ELK1: variants seen among roughly 807,000 people sequenced by gnomAD.
The protein encoded by ELK1 is ETS domain-containing protein Elk-1.
For missense variants in ELK1, 254 were observed against 381.5 expected (o/e 0.67, Z 2.78); for synonymous variants, 163 against 176.3 (o/e 0.92, Z 0.60).
intron 2 of ELK1, among the ~76,000 whole-genome samples, chrX:47,643,874 G>A: frequency 8.9e-6 from 1 of 111,774 alleles, no homozygotes; most frequent in Non-Finnish European, 1.9e-5. Context: ...AGGCAGTCAG[G>A]TTCCAGTTGA....
intron 2 of ELK1, among the ~76,000 whole-genome samples, chrX:47,647,650 G>C (rs1377255423): frequency 1.8e-5 from 2 of 112,293 alleles, no homozygotes; most frequent in Admixed American, 9.4e-5. Flanking sequence ...CCCTACACTG[G>C]TGTCTCAAAT....
intron 2 of ELK1, among the ~76,000 whole-genome samples, chrX:47,641,766 A>T (rs1283647620): frequency 1.8e-5 from 2 of 111,911 alleles, no homozygotes; most frequent in Non-Finnish European, 3.8e-5. Context: ...AATGATGCCA[A>T]CCCTGCTCCG....
intron 2 of ELK1, chrX:47,649,297 T>C (rs1419774249): frequency 9.1e-6 from 1 of 110,492 alleles, no homozygotes; most frequent in Non-Finnish European, 1.9e-5. Context: ...TGACCCACTA[T>C]TAAGAGGTGG....
chrX:47,639,807 T>A (rs1469333603), intron 3 of ELK1, among the ~76,000 whole-genome samples: 1 of 113,023 alleles, frequency 8.8e-6, no homozygotes, highest in Non-Finnish European at 1.9e-5. Context: ...CCAGGCCTTG[T>A]GGGTGACTGT....
At chrX:47,644,660 G>A (rs2058038113) in intron 2 of ELK1, among the ~76,000 whole-genome samples, 1 of 110,973 alleles carries the variant, frequency 9.0e-6, no homozygotes. Context: ...CAGCAAGCCA[G>A]GTGGAAGCGG....
In ELK1 at chrX:47,636,207, G is replaced by T. The variant is rs1161499213; in HGVS notation, c.*622C>A. The T allele has an allele frequency of 1.8e-5, 2 of 112,221 alleles. No homozygotes were observed. Among genetic ancestry groups the T allele is most frequent in the East Asian group, 5.6e-4 (2 of 3,572 alleles). 9.2% of individuals were successfully genotyped at this position (112,221 alleles called of 1,213,427 possible). ...CCCTGGCCAAAAAGTTGGTTGAAAA[G>T]GATAAGCTGTCTGAGAGAAAGGTTG... On this transcript the variant is annotated 3_prime_UTR_variant, in exon 7 of 7. Coordinates refer to ENST00000376983, the MANE Select transcript of ELK1 (RefSeq NM_001114123.3).
intron 2 of ELK1, among the ~76,000 whole-genome samples, chrX:47,643,605 C>T (rs1216762207): frequency 9.0e-6 from 1 of 111,535 alleles, no homozygotes; most frequent in East Asian, 2.8e-4. Flanking sequence ...TATGTAACAT[C>T]GTATATGCAT....
chrX:47,650,535 G>A lies in ELK1; in HGVS notation c.-253C>T, dbSNP rs774763711. ...GGGTTCCGAGGCGGCGGTGGAGGTGGTGGTGGCGGTGGCGGCGGCAGCACC... is the reference window on the plus strand; with the variant it reads ...GGGTTCCGAGGCGGCGGTGGAGGTGATGGTGGCGGTGGCGGCGGCAGCACC... On this transcript the variant is annotated 5_prime_UTR_variant, in exon 1 of 7. Coordinates refer to ENST00000376983, the MANE Select transcript of ELK1 (RefSeq NM_001114123.3). 1 of 326,696 alleles carries A rather than the reference G, an allele frequency of 3.1e-6. No homozygotes were observed. The highest frequency in any genetic ancestry group is 5.8e-6 in the Non-Finnish European group (1 of 172,254). 26.9% of individuals were successfully genotyped at this position (326,696 alleles called of 1,213,427 possible). A position where few individuals can be genotyped will look rare whatever the true frequency, so the allele number is the denominator to read the frequency against.
intron 2 of ELK1, among the ~76,000 whole-genome samples, chrX:47,645,996 G>A (rs1422784607): frequency 1.8e-5 from 2 of 110,685 alleles, no homozygotes; most frequent in African/African-American, 6.6e-5. Context: ...TGTAAAATGG[G>A]GATATTTTAC....
intron 1 of ELK1, 51 bp downstream of exon 1, chrX:47,650,372 G>A (rs1433535360): frequency 7.1e-6 from 2 of 281,140 alleles, no homozygotes; most frequent in African/African-American, 5.9e-5. Flanking sequence ...GGGCGGGAAG[G>A]ATACGTGGGG....
chrX:47,641,199 G>C, intron 3 of ELK1, 33 bp downstream of exon 3: 4 of 1,191,948 alleles, frequency 3.4e-6, no homozygotes, highest in East Asian at 3.0e-5. Context: ...AAATGTCAGG[G>C]GGGGGTTCCA....
At chrX:47,640,032 T>C (rs976323637) in intron 3 of ELK1, among the ~76,000 whole-genome samples, 2 of 110,971 alleles carry the variant, frequency 1.8e-5, no homozygotes, top group African/African-American at 6.6e-5. Context: ...ACTGTGGAGG[T>C]TGAAGCTAAA....
At chrX:47,647,140 A>G (rs1282871389) in intron 2 of ELK1, among the ~76,000 whole-genome samples, 1 of 104,754 alleles carries the variant, frequency 9.5e-6, no homozygotes, top group African/African-American at 3.5e-5. Context: ...TTGTTCACAT[A>G]GTCTGTCTCC....
chrX:47,639,840 G>A (rs1233090851), intron 3 of ELK1, among the ~76,000 whole-genome samples: 1 of 112,908 alleles, frequency 8.9e-6, no homozygotes, highest in African/African-American at 3.2e-5. Flanking sequence ...TTGGAGACTA[G>A]CAAATGCAAT....
At chrX:47,644,743 C>T (rs933930216) in intron 2 of ELK1, among the ~76,000 whole-genome samples, 1 of 109,779 alleles carries the variant, frequency 9.1e-6, no homozygotes, top group Non-Finnish European at 1.9e-5. Flanking sequence ...GACATGGGTT[C>T]GGGGGAGAGG....
intron 2 of ELK1, among the ~76,000 whole-genome samples, chrX:47,648,045 G>A (rs115645311): frequency 1.3e-4 from 15 of 112,181 alleles, no homozygotes; most frequent in African/African-American, 4.5e-4. Context: ...ACACTACCCA[G>A]GTACAACAAA....
chrX:47,646,907 G>A (rs2058045267), intron 2 of ELK1, among the ~76,000 whole-genome samples: 1 of 111,444 alleles, frequency 9.0e-6, no homozygotes, highest in African/African-American at 3.3e-5. Flanking sequence ...GAACATGGCA[G>A]GCACCATCCC....
upstream of ELK1, chrX:47,650,576 C>T (rs775660827): frequency 6.7e-6 from 2 of 296,315 alleles, no homozygotes; most frequent in Admixed American, 4.6e-5. Flanking sequence ...GCCGCCCCTG[C>T]GTTTCCCTAC....
chrX:47,641,193 G>C (rs1174380919), intron 3 of ELK1, 39 bp downstream of exon 3: 1 of 1,175,268 alleles, frequency 8.5e-7, no homozygotes, highest in Admixed American at 2.2e-5. Flanking sequence ...TGATATAAAT[G>C]TCAGGGGGGG....
Sources: gnomAD v4.1 joint callset for allele counts (sites outside exome capture counted in the v4.1 genomes callset) on GRCh38, gnomAD v4.1.1 for gene constraint, MANE v1.5 for transcripts, NCBI Gene and HGNC (gene_info 2026-07-23, HGNC 2026-07-21) for gene names.